The following PMVK variants were observed in gnomAD, a reference collection of about 807,000 sequenced individuals.
PMVK encodes the protein phosphomevalonate kinase, also known as testis tissue sperm-binding protein Li 95mP.
Under a neutral mutation model 19.0 loss-of-function variants are expected in PMVK, and 10 were observed. The ratio of observed to expected loss-of-function variants is 0.53; its 90% CI spans 0.32 to 0.89. The LOEUF is 0.89. PMVK is among the 40% of genes least tolerant of loss of function. The pLI is 0.03. For missense variants in PMVK, 222 were observed against 251.1 expected (o/e 0.88, Z 0.78); for synonymous variants, 108 against 101.6 (o/e 1.06, Z -0.38).
At position 154,929,082 on chromosome 1, in the gene PMVK, T is replaced by C. The variant is rs1355831535; in HGVS notation, c.254A>G (p.Gln85Arg). 4 of 1,614,192 alleles carry C rather than the reference T, an allele frequency of 2.5e-6. No individual in the cohort carries two copies. Among genetic ancestry groups the C allele is most frequent in the Non-Finnish European group, 3.4e-6 (4 of 1,179,990 alleles). The change falls in exon 3 of 5, where the codon CAG becomes CGG. Residue 85 changes from glutamine (Q) to arginine (R), a missense_variant. Coordinates refer to ENST00000368467, the MANE Select transcript of PMVK (RefSeq NM_006556.4). ...DMIRWGEEKRQADPGFFCRKI... is the reference protein window; with the variant it reads ...DMIRWGEEKRRADPGFFCRKI... ...CCTGCAAAAGAAGCCTGGGTCAGCC[T>C]GGCGTTTCTCCTCTCCCCAGCGGAT...
In PMVK at chr1:154,924,817, A is replaced by C. The variant is rs1350668721; in HGVS notation, c.*312T>G. The C allele has an allele frequency of 2.8e-6, 1 of 356,630 alleles. No individual in the cohort carries two copies. Among genetic ancestry groups the C allele is most frequent in the Non-Finnish European group, 5.3e-6 (1 of 188,564 alleles). The allele number at this position is 356,630 out of a possible 1,614,324, so 22.1% of individuals were successfully genotyped here. A position where few individuals can be genotyped will look rare whatever the true frequency, so the allele number is the denominator to read the frequency against. On this transcript the variant is annotated 3_prime_UTR_variant, in exon 5 of 5. Transcript: ENST00000368467. ...CCAGAACAAGGGGCTGAGAACATCCAGTCAGGATGCAAGGCCACCACAGGC... is the reference window on the plus strand; with the variant it reads ...CCAGAACAAGGGGCTGAGAACATCCCGTCAGGATGCAAGGCCACCACAGGC...
At chr1:154,934,695 G>C (rs76981619) in intron 1 of PMVK, among the ~76,000 whole-genome samples, 3,786 of 152,130 alleles carry the variant, frequency 0.025, 168 homozygotes, top group African/African-American at 0.085. Context: ...ATTATTCTAA[G>C]CCCTTCACAC....
At chr1:154,929,425 G>A (rs1029829597) in intron 2 of PMVK, among the ~76,000 whole-genome samples, 5 of 152,200 alleles carry the variant, frequency 3.3e-5, no homozygotes, top group Non-Finnish European at 7.3e-5. Context: ...TTTGAAATAT[G>A]TGGCGTGGTT....
chr1:154,932,236 C>T, intron 2 of PMVK, 116 bp downstream of exon 2: 3 of 772,652 alleles, frequency 3.9e-6, no homozygotes, highest in South Asian at 1.4e-5. Flanking sequence ...GAGCTGGCCA[C>T]CACCCTGCCA....
intron 1 of PMVK, among the ~76,000 whole-genome samples, chr1:154,932,965 C>T (rs1184619795): frequency 6.6e-6 from 1 of 151,986 alleles, no homozygotes; most frequent in East Asian, 1.9e-4. Flanking sequence ...TAAAAATTAG[C>T]TGAGCATGGC....
chr1:154,933,683 G>A (rs1383675444), intron 1 of PMVK, among the ~76,000 whole-genome samples: 1 of 151,498 alleles, frequency 6.6e-6, no homozygotes, highest in Non-Finnish European at 1.5e-5. Context: ...TAGTACAGAC[G>A]GGGTTTTGCC....
upstream of PMVK, among the ~76,000 whole-genome samples, chr1:154,938,796 T>C (rs1654584476): frequency 6.6e-6 from 1 of 152,140 alleles, no homozygotes; most frequent in South Asian, 2.1e-4. Context: ...AAAACTATGG[T>C]TCCTCTAAGG....
At chr1:154,926,558 C>T in intron 3 of PMVK, 75 bp from the exon 4 acceptor site, 1 of 1,412,294 alleles carries the variant, frequency 7.1e-7, no homozygotes, top group Non-Finnish European at 9.8e-7. Flanking sequence ...GACTACAGAA[C>T]CCAGGGCAGT....
chr1:154,925,050 A>C lies in PMVK; in HGVS notation c.*79T>G. The C allele has an allele frequency of 1.4e-5, 15 of 1,056,194 alleles. No homozygotes were observed. The highest frequency in any genetic ancestry group is 1.7e-5 in the Non-Finnish European group (13 of 768,044). The allele number at this position is 1,056,194 out of a possible 1,614,324, so 65.4% of individuals were successfully genotyped here. A position where few individuals can be genotyped will look rare whatever the true frequency, so the allele number is the denominator to read the frequency against. On this transcript the variant is annotated 3_prime_UTR_variant, in exon 5 of 5. Coordinates refer to ENST00000368467, the MANE Select transcript of PMVK (RefSeq NM_006556.4). The stretch of plus-strand genomic sequence containing the variant: ...CTGTCTGTTCCTCACCTCGGCCAGG[A>C]TCGGGGGACACCCCCATTTTGCAGA...
intron 1 of PMVK, among the ~76,000 whole-genome samples, chr1:154,933,490 C>CTTTTTTT (rs397860434): frequency 8.8e-6 from 1 of 113,990 alleles, no homozygotes; most frequent in Admixed American, 8.6e-5. Flanking sequence ...CTTAACCAAC[C>CTTTTTTT]TTTTTTTTTT....
At chr1:154,932,723 G>C (rs1482545022) in intron 1 of PMVK, among the ~76,000 whole-genome samples, 1 of 152,218 alleles carries the variant, frequency 6.6e-6, no homozygotes, top group African/African-American at 2.4e-5. Flanking sequence ...AGCTGGATTA[G>C]GTTATTGCCC....
chr1:154,925,094 T>G lies in PMVK; in HGVS notation c.*35A>C. On this transcript the variant is annotated 3_prime_UTR_variant, in exon 5 of 5. Coordinates refer to ENST00000368467, the MANE Select transcript of PMVK (RefSeq NM_006556.4). ...TTGCAGAGTCAGCCCCACCCCCACC[T>G]CAGCAGGCCCCAGCTCACTCCTAGA... The G allele has an allele frequency of 2.5e-5, 14 of 560,848 alleles. No homozygotes were observed. Among genetic ancestry groups the G allele is most frequent in the African/African-American group, 8.1e-5 (2 of 24,798 alleles). The allele number at this position is 560,848 out of a possible 1,614,324, so 34.7% of individuals were successfully genotyped here.
intron 1 of PMVK, 38 bp downstream of exon 1, chr1:154,936,553 G>T: frequency 6.4e-7 from 1 of 1,566,020 alleles, no homozygotes; most frequent in Non-Finnish European, 8.7e-7. Context: ...ACGTGATGCG[G>T]AGAGCTCCCC....
intron 1 of PMVK, 65 bp from the exon 2 acceptor site, chr1:154,932,480 A>G: frequency 8.4e-7 from 1 of 1,189,414 alleles, no homozygotes; most frequent in African/African-American, 1.6e-5. Flanking sequence ...TGTCCCAGAA[A>G]GGGAGTCAAG....
Position 154,925,055 on chromosome 1 carries a change from G to C in PMVK, c.*74C>G. On this transcript the variant is annotated 3_prime_UTR_variant, in exon 5 of 5. Transcript: ENST00000368467. ...TGTTCCTCACCTCGGCCAGGATCGG[G>C]GGACACCCCCATTTTGCAGAGTCAG... 1 of 1,393,778 alleles carries C rather than the reference G, an allele frequency of 7.2e-7. No homozygotes were observed. The highest frequency in any genetic ancestry group is 9.8e-7 in the Non-Finnish European group (1 of 1,024,600). 86.3% of individuals were successfully genotyped at this position (1,393,778 alleles called of 1,614,324 possible).
At chr1:154,936,501 T>C in intron 1 of PMVK, 90 bp downstream of exon 1, 1 of 1,527,720 alleles carries the variant, frequency 6.5e-7, no homozygotes, top group Non-Finnish European at 8.8e-7. Context: ...CGACCCGTAC[T>C]CCAAAGCTCA....
Position 154,926,433 on chromosome 1 carries a change from G to T in PMVK, c.363C>A (p.Ala121=). The T allele has an allele frequency of 6.2e-7, 1 of 1,613,868 alleles. No individual in the cohort carries two copies. Among genetic ancestry groups the T allele is most frequent in the South Asian group, 1.1e-5 (1 of 91,054 alleles). The change falls in exon 4 of 5, where the codon GCC becomes GCA. Residue 121 remains alanine, a synonymous_variant. Transcript: ENST00000368467. ...GGACCGTCTGCGTCACGGCCCCATA[G>T]GCCTCCCGAAACCACTGGATGTCAG... ...RVSDIQWFRE[A]YGAVTQTVRV...
In PMVK at chr1:154,925,335, C is replaced by T. The variant is rs983602416; in HGVS notation, c.443-70G>A. ...GACAGCAGGCATCAAGGCCTGCTAA[C>T]CCCAACTGGAGTGGGCCCTCCCGGC... is the stretch of plus-strand genomic sequence containing the variant. On this transcript the variant is annotated intron_variant, in intron 4 of 4. Coordinates refer to ENST00000368467, the MANE Select transcript of PMVK (RefSeq NM_006556.4). 3.5e-5 allele frequency: 54 copies of T among 1,559,432 alleles called. 1 individual carries two copies. The East Asian group carries it at 1.2e-3, about 34-fold the overall frequency.
chr1:154,941,281 T>C (rs555253327), upstream of PMVK, among the ~76,000 whole-genome samples: 2 of 152,308 alleles, frequency 1.3e-5, no homozygotes, highest in Admixed American at 6.5e-5. Context: ...CAGTCACCTA[T>C]CCTGGGTGCC....
Sources: allele counts gnomAD v4.1 joint callset (sites outside exome capture counted in the v4.1 genomes callset), GRCh38; gene constraint gnomAD v4.1.1; transcripts MANE v1.5; gene names NCBI Gene and HGNC (gene_info 2026-07-23, HGNC 2026-07-21).